NSUN6: variants seen among roughly 807,000 people sequenced by gnomAD.
NSUN6 encodes the protein tRNA (cytosine(72)-C(5))-methyltransferase NSUN6.
A neutral mutation model predicts 58.0 loss-of-function variants in NSUN6; 64 were observed. The ratio of observed to expected loss-of-function variants is 1.10; its 90% CI spans 0.90 to 1.36. The LOEUF (loss-of-function observed/expected upper bound fraction) is 1.36. Ranked by LOEUF, NSUN6 falls within the 40% of genes most tolerant of loss-of-function variation. The pLI, the probability that NSUN6 is intolerant of heterozygous loss-of-function variation, is 0.00. For missense variants in NSUN6, 701 were observed against 550.1 expected (o/e 1.27, Z -2.74); for synonymous variants, 231 against 193.9 (o/e 1.19, Z -1.59).
intron 8 of NSUN6, among the ~76,000 whole-genome samples, chr10:18,582,074 G>C (rs2056928140): frequency 6.6e-6 from 1 of 152,052 alleles, no homozygotes; most frequent in Non-Finnish European, 1.5e-5. Flanking sequence ...AAGTCCCTAG[G>C]AGGTCATATA....
chr10:18,565,507 A>G (rs1380419552), intron 8 of NSUN6, among the ~76,000 whole-genome samples: 1 of 145,318 alleles, frequency 6.9e-6, no homozygotes, highest in Non-Finnish European at 1.5e-5. Flanking sequence ...ATTCCATTCT[A>G]TTCTACTCCA....
At chr10:18,638,247 A>T (rs1287100772) in intron 3 of NSUN6, among the ~76,000 whole-genome samples, 2 of 152,180 alleles carry the variant, frequency 1.3e-5, no homozygotes, top group Non-Finnish European at 2.9e-5. Flanking sequence ...ATTTGAGACC[A>T]GACTGCCCAA....
At chr10:18,598,159 T>G (rs1203304683) in intron 6 of NSUN6, among the ~76,000 whole-genome samples, 2 of 152,210 alleles carry the variant, frequency 1.3e-5, no homozygotes, top group Non-Finnish European at 2.9e-5. Flanking sequence ...TTAAGAAGGT[T>G]CTTTGTAATT....
intron 3 of NSUN6, among the ~76,000 whole-genome samples, chr10:18,622,711 G>T (rs533227923): frequency 1.3e-5 from 2 of 152,072 alleles, no homozygotes; most frequent in Non-Finnish European, 2.9e-5. Context: ...CTCCGCCTTG[G>T]GGGGAAAAAG....
intron 3 of NSUN6, among the ~76,000 whole-genome samples, chr10:18,638,812 T>C (rs1880399): frequency 1.3e-5 from 2 of 151,954 alleles, no homozygotes; most frequent in South Asian, 4.2e-4. Context: ...GGAAATCTGC[T>C]AAGTGACTGT....
chr10:18,614,175 T>A (rs2058331895), intron 5 of NSUN6, among the ~76,000 whole-genome samples: 1 of 152,094 alleles, frequency 6.6e-6, no homozygotes, highest in South Asian at 2.1e-4. Context: ...ATGCACTGTT[T>A]TTCAAAGATG....
At chr10:18,614,158 C>T (rs982805314) in intron 5 of NSUN6, among the ~76,000 whole-genome samples, 5 of 151,560 alleles carry the variant, frequency 3.3e-5, no homozygotes, top group Non-Finnish European at 1.5e-5. Context: ...ATTCTTTCTC[C>T]ATCATAATGC....
chr10:18,634,842 C>T (rs1329594619), intron 3 of NSUN6, among the ~76,000 whole-genome samples: 2 of 150,164 alleles, frequency 1.3e-5, no homozygotes, highest in Non-Finnish European at 3.0e-5. Context: ...AATGTGTTAA[C>T]AGAAAAAAAA....
intron 7 of NSUN6, among the ~76,000 whole-genome samples, chr10:18,594,457 G>GC (rs1554865958): frequency 6.8e-6 from 1 of 146,486 alleles, no homozygotes; most frequent in Non-Finnish European, 1.5e-5. Flanking sequence ...GTTGTTTTTT[G>GC]TTTTTTTTTG....
At position 18,614,619 on chromosome 10, in the gene NSUN6, G is replaced by C. The variant is rs774737386; in HGVS notation, c.422-6C>G. ...AACATCTCCAGCTTTCATAACTAGA[G>C]AAAGAAGAAAATCAGATTACACTGA... On this transcript the variant is annotated splice_polypyrimidine_tract_variant and splice_region_variant and intron_variant, in intron 4 of 10. Transcript: ENST00000377304. The C allele has an allele frequency of 8.2e-6, 11 of 1,340,482 alleles. No homozygotes were observed. The highest frequency in any genetic ancestry group is 1.0e-5 in the Non-Finnish European group (10 of 1,001,078). The allele number at this position is 1,340,482 out of a possible 1,614,324, so 83.0% of individuals were successfully genotyped here. A position where few individuals can be genotyped will look rare whatever the true frequency, so the allele number is the denominator to read the frequency against.
At chr10:18,628,933 A>C (rs1564824561) in intron 3 of NSUN6, among the ~76,000 whole-genome samples, 1 of 152,072 alleles carries the variant, frequency 6.6e-6, no homozygotes, top group Non-Finnish European at 1.5e-5. Context: ...GAGAAGAGCA[A>C]CTCCAAGACA....
intron 8 of NSUN6, among the ~76,000 whole-genome samples, chr10:18,556,347 T>C (rs2055020757): frequency 7.0e-6 from 1 of 142,212 alleles, no homozygotes. Context: ...GAATGGGGAG[T>C]AGTATGGAAT....
At chr10:18,634,413 T>C (rs2059141434) in intron 3 of NSUN6, among the ~76,000 whole-genome samples, 1 of 152,094 alleles carries the variant, frequency 6.6e-6, no homozygotes, top group Non-Finnish European at 1.5e-5. Flanking sequence ...TCTCCTATAC[T>C]ATTGACAAGA....
At chr10:18,613,232 G>A (rs981800077) in intron 5 of NSUN6, among the ~76,000 whole-genome samples, 1 of 152,022 alleles carries the variant, frequency 6.6e-6, no homozygotes, top group Non-Finnish European at 1.5e-5. Context: ...GAGTAGCTGC[G>A]ATTACAAGCA....
intron 8 of NSUN6, among the ~76,000 whole-genome samples, chr10:18,559,130 T>G (rs1258485087): frequency 1.4e-5 from 2 of 142,990 alleles, no homozygotes; most frequent in Non-Finnish European, 3.1e-5. Flanking sequence ...GAACGAAGAG[T>G]GGAATGAAAT....
upstream of NSUN6, chr10:18,653,299 A>G (rs953779658): frequency 8.1e-6 from 8 of 982,000 alleles, no homozygotes; most frequent in African/African-American, 1.4e-4. Context: ...AAACTATGGA[A>G]AGAAAATGCT....
chr10:18,568,693 C>T (rs2056145761), intron 8 of NSUN6, among the ~76,000 whole-genome samples: 1 of 150,516 alleles, frequency 6.6e-6, no homozygotes, highest in South Asian at 2.1e-4. Context: ...ATTCCATTCC[C>T]TTCCATTCTC....
At chr10:18,624,840 C>A (rs1015566826) in intron 3 of NSUN6, among the ~76,000 whole-genome samples, 1 of 152,064 alleles carries the variant, frequency 6.6e-6, no homozygotes, top group Non-Finnish European at 1.5e-5. Context: ...TGACATAAAA[C>A]CTTCCCTAAT....
At chr10:18,592,608 C>T (rs1011211663) in intron 7 of NSUN6, among the ~76,000 whole-genome samples, 1 of 152,128 alleles carries the variant, frequency 6.6e-6, no homozygotes, top group African/African-American at 2.4e-5. Flanking sequence ...CAAAAACAAG[C>T]AATGGTGAAA....
Sources: gnomAD v4.1 joint callset for allele counts (sites outside exome capture counted in the v4.1 genomes callset) on GRCh38, gnomAD v4.1.1 for gene constraint, MANE v1.5 for transcripts, NCBI Gene and HGNC (gene_info 2026-07-23, HGNC 2026-07-21) for gene names.